The following METTL9 variants were observed in gnomAD, a reference collection of about 807,000 sequenced individuals.
METTL9 encodes protein-L-histidine N-pros-methyltransferase.
METTL9 carries 10 observed loss-of-function variants against 36.0 expected under a neutral mutation model. The observed-to-expected ratio is 0.28, with a 90% confidence interval of 0.17 to 0.47. METTL9 has a LOEUF of 0.47. Ranked by LOEUF, METTL9 falls within the 20% of genes least tolerant of loss-of-function variation. METTL9 has a pLI of 0.99. For missense variants in METTL9, 246 were observed against 383.5 expected (o/e 0.64, Z 3.00); for synonymous variants, 175 against 149.7 (o/e 1.17, Z -1.23).
At chr16:21,629,571 C>T (rs1965895629) in intron 4 of METTL9, among the ~76,000 whole-genome samples, 3 of 152,020 alleles carry the variant, frequency 2.0e-5, no homozygotes, top group Admixed American at 6.6e-5. Context: ...GGTGTTAGTT[C>T]CTTCTGGTGG....
At chr16:21,637,565 G>A (rs568214509) in intron 4 of METTL9, among the ~76,000 whole-genome samples, 10 of 152,328 alleles carry the variant, frequency 6.6e-5, no homozygotes, top group African/African-American at 1.9e-4. Context: ...CACTGGCTGC[G>A]GGACTTTGTG....
At chr16:21,632,636 AAGC>A (rs985157601) in intron 4 of METTL9, among the ~76,000 whole-genome samples, 26 of 152,134 alleles carry the variant, frequency 1.7e-4, no homozygotes, top group African/African-American at 6.3e-4. Flanking sequence ...CCTGGTATCT[AAGC>A]AGGTGGTTGT....
intron 4 of METTL9, among the ~76,000 whole-genome samples, chr16:21,630,798 G>T (rs559608001): frequency 6.6e-6 from 1 of 152,204 alleles, no homozygotes. Flanking sequence ...GGGCCCAAAG[G>T]TGAGTAACAG....
At chr16:21,643,518 A>C in intron 4 of METTL9, 1 of 1,417,260 alleles carries the variant, frequency 7.1e-7, no homozygotes, top group Non-Finnish European at 9.8e-7. Context: ...GCCACAATTT[A>C]AAAAATATTT....
rs948304708 is a variant in METTL9 at position 21,656,968 on chromosome 16, T to TA, written c.*1541dup. 6.6e-6 allele frequency: 1 copy of TA among 152,024 alleles called. No individual in the cohort carries two copies. Among genetic ancestry groups the TA allele is most frequent in the Non-Finnish European group, 1.5e-5 (1 of 68,022 alleles). The allele number at this position is 152,024 out of a possible 1,614,324, so 9.4% of individuals were successfully genotyped here. On this transcript the variant is annotated 3_prime_UTR_variant, in exon 5 of 5. Coordinates refer to ENST00000358154, the MANE Select transcript of METTL9 (RefSeq NM_016025.5). ...TACAAATACTTAGCACCATAGATTG[T>TA]AAAAATAGAAAGAGGAAATGAGAAA...
intron 4 of METTL9, among the ~76,000 whole-genome samples, chr16:21,647,686 G>T (rs570242079): frequency 6.6e-6 from 1 of 152,156 alleles, no homozygotes; most frequent in East Asian, 1.9e-4. Context: ...TGACCTGCTG[G>T]GTCACATGAT....
At chr16:21,623,333 A>G (rs531809023) in intron 3 of METTL9, among the ~76,000 whole-genome samples, 1 of 152,322 alleles carries the variant, frequency 6.6e-6, no homozygotes, top group East Asian at 1.9e-4. Context: ...AAATTCTGCT[A>G]TTCAGAAATG....
At chr16:21,609,271 C>T (rs542458394) in intron 1 of METTL9, among the ~76,000 whole-genome samples, 1 of 152,234 alleles carries the variant, frequency 6.6e-6, no homozygotes, top group African/African-American at 2.4e-5. Flanking sequence ...TTGTTAGAAA[C>T]TCCAAATTCT....
At chr16:21,599,570 G>T, upstream of METTL9, 1 of 1,286,490 alleles carries the variant, frequency 7.8e-7, no homozygotes, top group Non-Finnish European at 9.8e-7. This position sits in a 1 kb window ranked among gnomAD's most constrained non-coding sequence, Gnocchi z 4.4. Flanking sequence ...CTGCGCGCCG[G>T]CTGCTCCTCC....
chr16:21,600,093 C>T (rs930985014), intron 1 of METTL9, among the ~76,000 whole-genome samples, 195 bp downstream of exon 1: 5 of 152,106 alleles, frequency 3.3e-5, no homozygotes, highest in Admixed American at 6.5e-5. Context: ...CGGCCGCGGC[C>T]CCGCGAGCGC....
rs920782873 is a variant in METTL9, at chr16:21,651,287, GTCTC to G, written c.752-3936_752-3933del. ...TAATTCTTGACATTTAAACAAAGCT[GTCTC>G]TCTATCTAGTAAGTAAGAAGTAAGT... On this transcript the variant is annotated intron_variant, in intron 4 of 4. Transcript: ENST00000358154. Among the ~76,000 whole-genome samples the G allele has an allele frequency of 3.9e-5, 6 of 152,078 alleles. No individual in the cohort carries two copies. In the East Asian group the frequency reaches 7.7e-4, roughly 20 times the overall value.
intron 1 of METTL9, among the ~76,000 whole-genome samples, chr16:21,604,634 G>A (rs1453180113): frequency 2.0e-5 from 3 of 152,142 alleles, no homozygotes; most frequent in Admixed American, 6.5e-5. Flanking sequence ...GAATATTTAC[G>A]CCTATGCTGT....
In METTL9 at chr16:21,599,662, C is replaced by T. The variant is rs572847442; in HGVS notation, c.-72C>T. 1.4e-4 allele frequency: 185 copies of T among 1,354,760 alleles called. No homozygotes were observed. The highest frequency in any genetic ancestry group is 1.7e-4 in the Non-Finnish European group (180 of 1,062,928). The allele number at this position is 1,354,760 out of a possible 1,614,324, so 83.9% of individuals were successfully genotyped here. ...CGAGCTCGGGCGGTGGCGGCGGTGG[C>T]CGGAGGCGGCGGTGCCTCCTCCTCC... On this transcript the variant is annotated 5_prime_UTR_variant, in exon 1 of 5. Transcript: ENST00000358154. This position sits in a 1 kb window ranked among gnomAD's most constrained non-coding sequence, Gnocchi z 4.4.
At chr16:21,606,150 C>T (rs955483143) in intron 1 of METTL9, among the ~76,000 whole-genome samples, 11 of 152,032 alleles carry the variant, frequency 7.2e-5, no homozygotes, top group African/African-American at 2.4e-4. Context: ...TCCCGGCTAA[C>T]AGGGTGAAAC....
At chr16:21,651,973 CT>C in intron 4 of METTL9, 1 of 152,186 alleles carries the variant, frequency 6.6e-6, no homozygotes, top group East Asian at 1.9e-4. Flanking sequence ...AAATTAAGAA[CT>C]TTCCCCCCTT....
chr16:21,643,130 GA>G, intron 4 of METTL9: 3 of 1,607,718 alleles, frequency 1.9e-6, no homozygotes, highest in Non-Finnish European at 2.5e-6. Flanking sequence ...GCAATTTCCT[GA>G]AAAATACGCC....
At chr16:21,630,685 AGTT>A (rs1965936584) in intron 4 of METTL9, among the ~76,000 whole-genome samples, 1 of 152,154 alleles carries the variant, frequency 6.6e-6, no homozygotes, top group African/African-American at 2.4e-5. Context: ...CCTCGGTAGA[AGTT>A]GTTAGTTGAG....
Position 21,602,679 on chromosome 16 carries a change from A to T in METTL9, c.165+2781A>T, listed in dbSNP as rs148255480. Among the ~76,000 whole-genome samples, 699 of 149,206 alleles carry T rather than the reference A, an allele frequency of 4.7e-3. 5 individuals are homozygous for T. Among genetic ancestry groups the T allele is most frequent in the Non-Finnish European group, 8.0e-3 (538 of 67,444 alleles). On this transcript the variant is annotated intron_variant, in intron 1 of 4. Coordinates refer to ENST00000358154, the MANE Select transcript of METTL9 (RefSeq NM_016025.5). The stretch of plus-strand genomic sequence containing the variant: ...ACAAATAAAGTGTTTTTTTTTTGAG[A>T]TGGAGTCTCGCTTCGTCACCCAGGC...
chr16:21,610,647 G>C (rs1441341312), intron 1 of METTL9, among the ~76,000 whole-genome samples: 1 of 152,168 alleles, frequency 6.6e-6, no homozygotes, highest in African/African-American at 2.4e-5. Flanking sequence ...TTAAAAACTT[G>C]AGTTTTCCTC....
Sources: gnomAD v4.1 joint callset for allele counts (sites outside exome capture counted in the v4.1 genomes callset) on GRCh38, gnomAD v4.1.1 for gene constraint, Gnocchi (gnomAD v3.1) non-coding constraint, MANE v1.5 for transcripts, NCBI Gene and HGNC (gene_info 2026-07-23, HGNC 2026-07-21) for gene names.